The following ZNF804B variants were observed in gnomAD, a reference collection of about 807,000 sequenced individuals.
The protein encoded by ZNF804B is zinc finger 804B.
In ZNF804B, 80 loss-of-function variants were observed where a neutral mutation model predicts 101.4. The ratio of observed to expected loss-of-function variants is 0.79; its 90% CI spans 0.66 to 0.95. The LOEUF is 0.95. Among genes scored for constraint, ZNF804B ranks in the 40% least tolerant of loss-of-function variants. The pLI, the probability that ZNF804B is intolerant of heterozygous loss-of-function variation, is 0.00. For missense variants in ZNF804B, 1,673 were observed against 1,561.9 expected (o/e 1.07, Z -1.20); for synonymous variants, 622 against 558.8 (o/e 1.11, Z -1.59).
intron 1 of ZNF804B, among the ~76,000 whole-genome samples, chr7:89,162,686 G>T (rs1426588196): frequency 2.0e-5 from 3 of 148,834 alleles, no homozygotes; most frequent in African/African-American, 7.4e-5. Context: ...TAAGTTTTAG[G>T]GTACATGTGC....
At chr7:89,028,833 A>T (rs375289399) in intron 1 of ZNF804B, among the ~76,000 whole-genome samples, 7 of 152,146 alleles carry the variant, frequency 4.6e-5, no homozygotes, top group East Asian at 3.9e-4. Context: ...CATATAAAGA[A>T]CCTGAAGTAG....
intron 1 of ZNF804B, among the ~76,000 whole-genome samples, chr7:88,860,141 A>G (rs1267767693): frequency 6.6e-6 from 1 of 152,078 alleles, no homozygotes; most frequent in African/African-American, 2.4e-5. Flanking sequence ...GAAAATCAAA[A>G]CATACCAGAT....
At chr7:89,323,857 T>C (rs1790858266) in intron 2 of ZNF804B, among the ~76,000 whole-genome samples, 2 of 152,128 alleles carry the variant, frequency 1.3e-5, no homozygotes, top group African/African-American at 2.4e-5. Context: ...CAAAGAACAT[T>C]TTCCTTCCAA....
At chr7:88,786,646 T>C (rs1790307360) in intron 1 of ZNF804B, among the ~76,000 whole-genome samples, 1 of 152,092 alleles carries the variant, frequency 6.6e-6, no homozygotes, top group East Asian at 1.9e-4. Context: ...GAATAAAATT[T>C]AATATAATTT....
intron 1 of ZNF804B, among the ~76,000 whole-genome samples, chr7:89,014,462 G>A (rs373662413): frequency 8.5e-5 from 13 of 152,084 alleles, no homozygotes; most frequent in African/African-American, 2.4e-4. Context: ...GACTACAGGC[G>A]CCCGCTGCGA....
At chr7:89,085,390 T>C (rs901042477) in intron 1 of ZNF804B, among the ~76,000 whole-genome samples, 2 of 152,008 alleles carry the variant, frequency 1.3e-5, no homozygotes, top group Non-Finnish European at 2.9e-5. Context: ...GAACTCTTTT[T>C]CCTCCATAAG....
At chr7:88,784,109 A>C (rs186242822) in intron 1 of ZNF804B, among the ~76,000 whole-genome samples, 1 of 152,256 alleles carries the variant, frequency 6.6e-6, no homozygotes, top group East Asian at 1.9e-4. Context: ...CTAACTGGGC[A>C]AAAAAAGAAG....
At chr7:88,777,609 A>C (rs1442676077) in intron 1 of ZNF804B, among the ~76,000 whole-genome samples, 1 of 152,112 alleles carries the variant, frequency 6.6e-6, no homozygotes, top group East Asian at 1.9e-4. Flanking sequence ...TTGGGAGGCT[A>C]AGGTGGGTGG....
At chr7:88,777,133 C>T (rs1018083316) in intron 1 of ZNF804B, among the ~76,000 whole-genome samples, 1 of 152,158 alleles carries the variant, frequency 6.6e-6, no homozygotes, top group Admixed American at 6.5e-5. Flanking sequence ...CATCCATGAG[C>T]CCACAGTCCT....
At chr7:89,198,993 A>G (rs1788593923) in intron 1 of ZNF804B, among the ~76,000 whole-genome samples, 1 of 151,910 alleles carries the variant, frequency 6.6e-6, no homozygotes, top group African/African-American at 2.4e-5. Context: ...AATAAAGGGC[A>G]CTGGTGTCCC....
chr7:89,095,639 A>G (rs1789961074), intron 1 of ZNF804B, among the ~76,000 whole-genome samples: 2 of 152,232 alleles, frequency 1.3e-5, no homozygotes. Flanking sequence ...GAACACAGGA[A>G]AAACTCTGTT....
chr7:89,213,609 C>T (rs939828120), intron 1 of ZNF804B, among the ~76,000 whole-genome samples: 2 of 152,150 alleles, frequency 1.3e-5, no homozygotes, highest in Non-Finnish European at 2.9e-5. Context: ...CTCACTCTTC[C>T]TGGGAGTTAA....
chr7:88,859,523 A>T (rs1252816026), intron 1 of ZNF804B, among the ~76,000 whole-genome samples: 1 of 152,130 alleles, frequency 6.6e-6, no homozygotes, highest in Non-Finnish European at 1.5e-5. Flanking sequence ...ATAAGAATAT[A>T]CTATTCTCTT....
At chr7:89,147,125 T>G (rs1177170662) in intron 1 of ZNF804B, among the ~76,000 whole-genome samples, 1 of 149,712 alleles carries the variant, frequency 6.7e-6, no homozygotes, top group Non-Finnish European at 1.5e-5. Context: ...ATATTAACAT[T>G]AATATACATT....
chr7:88,989,408 T>G (rs1434199632), intron 1 of ZNF804B, among the ~76,000 whole-genome samples: 1 of 152,136 alleles, frequency 6.6e-6, no homozygotes, highest in Admixed American at 6.6e-5. Context: ...CTGAGCCACG[T>G]TGGCATCTTT....
intron 2 of ZNF804B, among the ~76,000 whole-genome samples, chr7:89,249,295 A>G (rs1281843590): frequency 6.6e-6 from 1 of 152,198 alleles, no homozygotes; most frequent in Non-Finnish European, 1.5e-5. Flanking sequence ...ATATATATGT[A>G]CAGAACACTC....
At chr7:89,069,590 G>T (rs1197828155) in intron 1 of ZNF804B, among the ~76,000 whole-genome samples, 1 of 151,852 alleles carries the variant, frequency 6.6e-6, no homozygotes, top group East Asian at 1.9e-4. Context: ...CATTTTGAGT[G>T]TTATGCTATG....
rs761205429 is a variant in ZNF804B at position 89,334,050 on chromosome 7, T to C, written c.1068T>C (p.Cys356=). Residue 356 remains cysteine, a synonymous_variant, in exon 4 of 4, where the codon TGT becomes TGC. Transcript: ENST00000333190. The stretch of plus-strand genomic sequence containing the variant: ...CATTGAAGAACACTTTAGAAAATTG[T>C]GTTAATCACCCATGCCAAGCAAATG... ...RNTLKNTLEN[C]VNHPCQANAS... 3 of 1,613,582 alleles carry C rather than the reference T, an allele frequency of 1.9e-6. No individual in the cohort carries two copies. The highest frequency in any genetic ancestry group is 2.5e-6 in the Non-Finnish European group (3 of 1,179,764).
At chr7:88,966,088 A>AT (rs1793449658) in intron 1 of ZNF804B, among the ~76,000 whole-genome samples, 1 of 151,496 alleles carries the variant, frequency 6.6e-6, no homozygotes, top group Non-Finnish European at 1.5e-5. Flanking sequence ...AGCTTTCATA[A>AT]TTTTTTTGCA....
Sources: gnomAD v4.1 joint callset for allele counts (sites outside exome capture counted in the v4.1 genomes callset) on GRCh38, gnomAD v4.1.1 for gene constraint, MANE v1.5 for transcripts, NCBI Gene and HGNC (gene_info 2026-07-23, HGNC 2026-07-21) for gene names.